The following GRIP1 variants were observed in gnomAD, a reference collection of about 807,000 sequenced individuals.
GRIP1 encodes glutamate receptor-interacting protein 1.
In GRIP1, 45 loss-of-function variants were observed where a neutral mutation model predicts 129.9. That is an observed-to-expected ratio of 0.35 (90% CI 0.27 to 0.44). GRIP1 has a LOEUF of 0.44. Ranked by LOEUF, GRIP1 falls within the 20% of genes least tolerant of loss-of-function variation. GRIP1 has a pLI of 1.00. For missense variants in GRIP1, 1,196 were observed against 1,396.8 expected (o/e 0.86, Z 2.29); for synonymous variants, 530 against 520.8 (o/e 1.02, Z -0.24).
intron 1 of GRIP1, among the ~76,000 whole-genome samples, chr12:66,812,695 C>T (rs1464449175): frequency 6.6e-6 from 1 of 152,020 alleles, no homozygotes; most frequent in Non-Finnish European, 1.5e-5. Flanking sequence ...CATTTTTTTG[C>T]CCTATAAAAT....
At chr12:66,585,575 G>C (rs1161293188) in intron 2 of GRIP1, among the ~76,000 whole-genome samples, 4 of 143,616 alleles carry the variant, frequency 2.8e-5, no homozygotes, top group African/African-American at 1.0e-4. Flanking sequence ...GTGTGCATGT[G>C]TCTTTATAGC....
At chr12:66,632,492 C>A (rs1175566978) in intron 1 of GRIP1, among the ~76,000 whole-genome samples, 1 of 152,152 alleles carries the variant, frequency 6.6e-6, no homozygotes, top group Admixed American at 6.5e-5. Context: ...CTGCCATCCT[C>A]CTTTTTCCCA....
rs1178458008 is a variant in GRIP1, at chr12:66,496,423, CAT to C, written c.724+19194_724+19195del. 2.0e-5 allele frequency among the ~76,000 whole-genome samples: 3 copies of C among 152,286 alleles called. No homozygotes were observed. In the South Asian group the frequency reaches 6.2e-4, roughly 32 times the overall value. On this transcript the variant is annotated intron_variant, in intron 7 of 24. Transcript: ENST00000359742. ...ACTAGGGACTTCTACCATGTAGACT[CAT>C]ATTTGCTATTTTGCTCCAACAAGCG...
intron 1 of GRIP1, among the ~76,000 whole-genome samples, chr12:66,857,491 T>C (rs2040027689): frequency 6.6e-6 from 1 of 151,370 alleles, no homozygotes; most frequent in African/African-American, 2.4e-5. Flanking sequence ...TCACAGTGAA[T>C]CTGTAGTAAG....
intron 7 of GRIP1, among the ~76,000 whole-genome samples, chr12:66,477,728 A>G (rs2059663967): frequency 1.3e-5 from 2 of 152,188 alleles, no homozygotes; most frequent in South Asian, 2.1e-4. Context: ...AATACCACAC[A>G]TCTACAACCA....
intron 1 of GRIP1, among the ~76,000 whole-genome samples, chr12:67,023,844 T>C (rs905067256): frequency 2.6e-5 from 4 of 152,164 alleles, no homozygotes; most frequent in African/African-American, 9.7e-5. Flanking sequence ...CTCCTGCCAG[T>C]ATATGTTTCC....
intron 1 of GRIP1, among the ~76,000 whole-genome samples, chr12:66,656,296 G>T (rs916333655): frequency 2.0e-5 from 3 of 152,118 alleles, no homozygotes; most frequent in Non-Finnish European, 1.5e-5. Flanking sequence ...TTAGCCAACA[G>T]TGTATTTTTT....
chr12:66,654,041 G>A (rs749958694), intron 1 of GRIP1, among the ~76,000 whole-genome samples: 1 of 152,262 alleles, frequency 6.6e-6, no homozygotes, highest in East Asian at 1.9e-4. Flanking sequence ...GGCTGAAAAC[G>A]CTGTGGTCAC....
chr12:66,511,150 A>G (rs767912078), intron 7 of GRIP1, among the ~76,000 whole-genome samples: 6 of 152,082 alleles, frequency 3.9e-5, no homozygotes, highest in Non-Finnish European at 5.9e-5. Context: ...AATAAGTCTC[A>G]TGAGATCTGA....
intron 1 of GRIP1, among the ~76,000 whole-genome samples, chr12:66,814,042 A>G (rs1396146618): frequency 1.3e-5 from 2 of 152,170 alleles, no homozygotes; most frequent in Non-Finnish European, 2.9e-5. Context: ...GTGGAGATAC[A>G]GGTTTAAGGG....
intron 1 of GRIP1, among the ~76,000 whole-genome samples, chr12:66,641,578 C>A (rs2031930005): frequency 6.6e-6 from 1 of 152,148 alleles, no homozygotes; most frequent in Admixed American, 6.5e-5. Context: ...TCTTTCATGA[C>A]ACATAGGAGC....
At chr12:66,662,075 T>C (rs1293209303) in intron 1 of GRIP1, among the ~76,000 whole-genome samples, 1 of 152,126 alleles carries the variant, frequency 6.6e-6, no homozygotes, top group East Asian at 1.9e-4. Flanking sequence ...ATATTAATTG[T>C]GTACCAACCT....
chr12:67,048,081 C>G (rs776788076), intron 1 of GRIP1, among the ~76,000 whole-genome samples: 9 of 151,780 alleles, frequency 5.9e-5, no homozygotes, highest in Non-Finnish European at 8.8e-5. Flanking sequence ...TTTATTCACT[C>G]TGTATTCCTT....
chr12:66,765,275 G>T (rs998859776), intron 1 of GRIP1, among the ~76,000 whole-genome samples: 4 of 152,106 alleles, frequency 2.6e-5, no homozygotes, highest in African/African-American at 9.7e-5. Flanking sequence ...TGCACCCACT[G>T]CAGGAAGCAT....
chr12:66,607,993 CCTT>C (rs1258833617), intron 1 of GRIP1, among the ~76,000 whole-genome samples: 1 of 152,144 alleles, frequency 6.6e-6, no homozygotes, highest in African/African-American at 2.4e-5. Context: ...AGAACCAACA[CCTT>C]CTTGTCTCAT....
intron 1 of GRIP1, chr12:66,626,680 G>A (rs934944378): frequency 1.3e-5 from 2 of 152,722 alleles, no homozygotes; most frequent in African/African-American, 4.8e-5. Context: ...AGTAAGCTGG[G>A]GAAGGTGAGA....
intron 1 of GRIP1, among the ~76,000 whole-genome samples, chr12:66,880,774 T>A (rs2040464316): frequency 6.6e-6 from 1 of 152,134 alleles, no homozygotes; most frequent in South Asian, 2.1e-4. Context: ...CCCCAAAGAC[T>A]GCTGAACTGA....
intron 1 of GRIP1, among the ~76,000 whole-genome samples, chr12:66,626,973 G>A (rs2030149066): frequency 6.6e-6 from 1 of 152,046 alleles, no homozygotes; most frequent in Non-Finnish European, 1.5e-5. Flanking sequence ...ATTGTACACT[G>A]TGCCTTCCCA....
chr12:66,680,366 T>C (rs946570465), upstream of GRIP1, among the ~76,000 whole-genome samples: 2 of 152,150 alleles, frequency 1.3e-5, no homozygotes, highest in Non-Finnish European at 2.9e-5. Context: ...GTATTTTGAG[T>C]CCAATAGAAA....
Sources: gnomAD v4.1 joint callset for allele counts (sites outside exome capture counted in the v4.1 genomes callset) on GRCh38, gnomAD v4.1.1 for gene constraint, MANE v1.5 for transcripts, NCBI Gene and HGNC (gene_info 2026-07-23, HGNC 2026-07-21) for gene names.